AGMO: variants seen among roughly 807,000 people sequenced by gnomAD.
AGMO encodes the protein alkylglycerol monooxygenase, also known as glyceryl-ether monooxygenase.
Under a neutral mutation model 60.2 loss-of-function variants are expected in AGMO, and 75 were observed. That is an observed-to-expected ratio of 1.25 (90% confidence interval 1.03 to 1.51). The LOEUF (loss-of-function observed/expected upper bound fraction) is 1.51, where lower values mean the gene tolerates loss of function less well. Among genes scored for constraint, AGMO ranks in the 40% most tolerant of loss-of-function variants. The probability of loss-of-function intolerance (pLI) is 0.00; values close to 1 mark genes in which losing one functional copy is unlikely to be tolerated. For missense variants in AGMO, 763 were observed against 525.5 expected (o/e 1.45, Z -4.42); for synonymous variants, 261 against 177.1 (o/e 1.47, Z -3.76).
intron 5 of AGMO, among the ~76,000 whole-genome samples, chr7:15,405,539 G>A (rs1200950465): frequency 6.6e-6 from 1 of 151,838 alleles, no homozygotes; most frequent in East Asian, 1.9e-4. Flanking sequence ...ATGCATGCAG[G>A]TGACCCTACC....
intron 4 of AGMO, among the ~76,000 whole-genome samples, chr7:15,429,630 C>T (rs1781171401): frequency 6.6e-6 from 1 of 151,974 alleles, no homozygotes; most frequent in Admixed American, 6.6e-5. Flanking sequence ...ATACAAGCGT[C>T]ATCACAGGTG....
At chr7:15,213,156 A>G (rs1171781083) in intron 12 of AGMO, among the ~76,000 whole-genome samples, 1 of 150,714 alleles carries the variant, frequency 6.6e-6, no homozygotes. Flanking sequence ...TAAAAATTCT[A>G]TTTTTTTTTC....
chr7:15,545,518 TATC>T (rs1361715169), intron 2 of AGMO, among the ~76,000 whole-genome samples: 3 of 151,862 alleles, frequency 2.0e-5, no homozygotes, highest in East Asian at 1.9e-4. Context: ...ATATTATACT[TATC>T]ATCAGGTATT....
chr7:15,207,236 TAAACCC>T (rs1325600260), intron 12 of AGMO, among the ~76,000 whole-genome samples: 1 of 152,214 alleles, frequency 6.6e-6, no homozygotes, highest in Non-Finnish European at 1.5e-5. Context: ...ACTGCACATG[TAAACCC>T]ATCTGGTTAA....
At chr7:15,369,262 C>T (rs1783106048) in intron 10 of AGMO, among the ~76,000 whole-genome samples, 1 of 151,996 alleles carries the variant, frequency 6.6e-6, no homozygotes, top group African/African-American at 2.4e-5. Context: ...CCTACCACAG[C>T]CCCCAACCCA....
chr7:15,538,034 T>A (rs1298376127), intron 3 of AGMO, among the ~76,000 whole-genome samples: 2 of 152,068 alleles, frequency 1.3e-5, no homozygotes, highest in Non-Finnish European at 2.9e-5. Context: ...TTGAAAGTAA[T>A]GATAAGAAAC....
intron 12 of AGMO, among the ~76,000 whole-genome samples, chr7:15,265,965 TTC>T (rs1783420170): frequency 6.6e-6 from 1 of 152,110 alleles, no homozygotes; most frequent in Admixed American, 6.6e-5. Context: ...AGGCAATACA[TTC>T]TGATGTATGC....
Position 15,233,622 on chromosome 7 carries a change from A to G in AGMO, c.1264-32263T>C, listed in dbSNP as rs1297271389. On this transcript the variant is annotated intron_variant, in intron 12 of 12. Coordinates refer to ENST00000342526, the MANE Select transcript of AGMO (RefSeq NM_001004320.2). ...TGGTGATGATTACACAGCATTGTCC[A>G]TGTACTTAAGCATGAAAAAGTCAGG... is the stretch of plus-strand genomic sequence containing the variant. Among the ~76,000 whole-genome samples the G allele has an allele frequency of 2.0e-5, 3 of 152,006 alleles. No homozygotes were observed. In the East Asian group the frequency reaches 5.8e-4, roughly 29 times the overall value.
the AGMO span, among the ~76,000 whole-genome samples, chr7:15,138,865 C>T: frequency 0.36 from 54,454 of 152,004 alleles, 11,227 homozygotes; most frequent in East Asian, 0.65. Flanking sequence ...CTTTTTCATT[C>T]AGTTCTTAAC....
chr7:15,139,700 G>C, the AGMO span, among the ~76,000 whole-genome samples: 1 of 150,808 alleles, frequency 6.6e-6, no homozygotes, highest in East Asian at 2.0e-4. Context: ...GAATTGCTGG[G>C]TCATTTGGTA....
At chr7:15,552,189 A>C (rs1396527013) in intron 2 of AGMO, among the ~76,000 whole-genome samples, 2 of 152,180 alleles carry the variant, frequency 1.3e-5, no homozygotes, top group East Asian at 1.9e-4. Flanking sequence ...TTAAAGACTT[A>C]AACATTAGAC....
At chr7:15,483,967 G>T (rs1461725489) in intron 3 of AGMO, among the ~76,000 whole-genome samples, 3 of 152,136 alleles carry the variant, frequency 2.0e-5, no homozygotes, top group Non-Finnish European at 4.4e-5. Context: ...TGCAAGGATA[G>T]AAAAATAATG....
At chr7:15,402,723 A>G (rs995995752) in intron 5 of AGMO, among the ~76,000 whole-genome samples, 3 of 147,242 alleles carry the variant, frequency 2.0e-5, no homozygotes, top group African/African-American at 5.2e-5. Context: ...TGTTTTAAAT[A>G]CTAAACTACC....
At chr7:15,191,036 C>G in the AGMO span, among the ~76,000 whole-genome samples, 5 of 152,036 alleles carry the variant, frequency 3.3e-5, no homozygotes, top group South Asian at 1.0e-3. Flanking sequence ...TCAAGAAACT[C>G]AATTAATGGA....
chr7:15,191,519 A>G, the AGMO span, among the ~76,000 whole-genome samples: 1 of 152,184 alleles, frequency 6.6e-6, no homozygotes, highest in East Asian at 1.9e-4. Context: ...CATAGTTGAG[A>G]CTAAACACCA....
intron 12 of AGMO, among the ~76,000 whole-genome samples, chr7:15,364,553 C>T (rs1424924154): frequency 1.3e-5 from 2 of 151,982 alleles, no homozygotes; most frequent in East Asian, 1.9e-4. Flanking sequence ...AATCTTACGT[C>T]ATGACAAATA....
intron 10 of AGMO, among the ~76,000 whole-genome samples, chr7:15,373,472 T>C (rs1783310992): frequency 6.6e-6 from 1 of 152,124 alleles, no homozygotes; most frequent in Admixed American, 6.6e-5. Flanking sequence ...TTTGACGCCA[T>C]GTTACTTAAT....
intron 12 of AGMO, among the ~76,000 whole-genome samples, chr7:15,244,845 C>T (rs549528329): frequency 1.3e-5 from 2 of 151,932 alleles, no homozygotes; most frequent in Non-Finnish European, 2.9e-5. Context: ...GTAGAGACAG[C>T]GTTTCACCAT....
At chr7:15,483,609 A>G (rs1240607278) in intron 3 of AGMO, among the ~76,000 whole-genome samples, 3 of 152,004 alleles carry the variant, frequency 2.0e-5, no homozygotes, top group East Asian at 1.9e-4. Context: ...AAAAAACCAT[A>G]AAATTTCTAG....
Sources: gnomAD v4.1 joint callset for allele counts (sites outside exome capture counted in the v4.1 genomes callset) on GRCh38, gnomAD v4.1.1 for gene constraint, MANE v1.5 for transcripts, NCBI Gene and HGNC (gene_info 2026-07-23, HGNC 2026-07-21) for gene names.